Variants in RELN observed in about 807,000 individuals in gnomAD.
The protein encoded by RELN is reelin.
RELN carries 108 observed loss-of-function variants against 427.6 expected under a neutral mutation model. That is an observed-to-expected ratio of 0.25 (90% CI 0.22 to 0.30). The LOEUF is 0.30. RELN is among the 10% of genes least tolerant of loss of function. The probability of loss-of-function intolerance (pLI) is 1.00; values close to 1 mark genes in which losing one functional copy is unlikely to be tolerated. For missense variants in RELN, 3,715 were observed against 4,302.8 expected (o/e 0.86, Z 3.82); for synonymous variants, 1,524 against 1,513.4 (o/e 1.01, Z -0.16).
At chr7:103,748,710 A>G (rs1246234625) in intron 6 of RELN, among the ~76,000 whole-genome samples, 1 of 152,262 alleles carries the variant, frequency 6.6e-6, no homozygotes, top group Non-Finnish European at 1.5e-5. Context: ...CTTGAGTATT[A>G]CATTACTTGA....
intron 2 of RELN, among the ~76,000 whole-genome samples, chr7:103,907,182 C>A (rs1563082841): frequency 6.6e-6 from 1 of 150,968 alleles, no homozygotes; most frequent in Non-Finnish European, 1.5e-5. Context: ...CCTTGGGAGG[C>A]CGAGGCGGTT....
intron 49 of RELN, 102 bp downstream of exon 49, chr7:103,519,221 G>T: frequency 1.1e-6 from 1 of 869,800 alleles, no homozygotes; most frequent in Non-Finnish European, 2.0e-6. Flanking sequence ...GCATCCTCTA[G>T]TGAGGCATAA....
chr7:103,642,440 T>C (rs1832713841), intron 16 of RELN, among the ~76,000 whole-genome samples: 1 of 139,082 alleles, frequency 7.2e-6, no homozygotes, highest in Non-Finnish European at 1.5e-5. Context: ...AGCCAAAGAG[T>C]GGGTCCTGTT....
chr7:103,949,826 C>G (rs1270894382), intron 1 of RELN, among the ~76,000 whole-genome samples: 3 of 152,144 alleles, frequency 2.0e-5, no homozygotes, highest in Admixed American at 6.5e-5. Flanking sequence ...CTCACATACT[C>G]TATACTCAGC....
At chr7:103,970,482 CT>C (rs906130584) in intron 1 of RELN, among the ~76,000 whole-genome samples, 4 of 151,442 alleles carry the variant, frequency 2.6e-5, no homozygotes, top group African/African-American at 9.7e-5. Flanking sequence ...TTTTCTTTTT[CT>C]TTTTTTTTCT....
chr7:103,773,112 CTTTCTTTCTT>C (rs1460943789), intron 4 of RELN, among the ~76,000 whole-genome samples: 1 of 52,830 alleles, frequency 1.9e-5, no homozygotes, highest in African/African-American at 5.8e-5. Flanking sequence ...TTCTTTCTTT[CTTTCTTTCTT>C]TCTTTCTTTC....
intron 2 of RELN, among the ~76,000 whole-genome samples, chr7:103,845,702 C>T (rs1175892966): frequency 1.3e-5 from 2 of 152,134 alleles, no homozygotes; most frequent in African/African-American, 4.8e-5. Context: ...GTGCAAAAAT[C>T]ACAAGCATTC....
At chr7:103,886,796 T>C (rs145922618) in intron 2 of RELN, among the ~76,000 whole-genome samples, 26 of 152,308 alleles carry the variant, frequency 1.7e-4, no homozygotes, top group African/African-American at 5.5e-4. Context: ...ATACTCACAA[T>C]GTATTTGTCT....
intron 3 of RELN, among the ~76,000 whole-genome samples, chr7:103,799,617 C>T (rs1225774582): frequency 6.6e-6 from 1 of 152,206 alleles, no homozygotes; most frequent in Non-Finnish European, 1.5e-5. Context: ...TCTTAAACGT[C>T]TTCCTCAGAG....
At chr7:103,901,984 T>C (rs947463939) in intron 2 of RELN, among the ~76,000 whole-genome samples, 1 of 152,090 alleles carries the variant, frequency 6.6e-6, no homozygotes, top group Non-Finnish European at 1.5e-5. Context: ...CTATTTTCCA[T>C]GTGAGACTTA....
intron 37 of RELN, 24 bp from the exon 38 acceptor site, chr7:103,557,183 T>C: frequency 1.3e-6 from 2 of 1,563,980 alleles, no homozygotes; most frequent in South Asian, 1.1e-5. Flanking sequence ...AACACAGGTA[T>C]AAAACATACT....
At position 103,483,707 on chromosome 7, in the gene RELN, T is replaced by G; in HGVS notation, c.10127A>C (p.Gln3376Pro). ...NNGITWHVIA[Q>P]HQPKDFTQAQ... ...TTGTGTGAAGTCCTTTGGCTGGTGC[T>G]GGGCGATGACATGCCAGGTGATCCC... Residue 3376 changes from glutamine to proline, a missense_variant, in exon 62 of 65, where the codon CAG (glutamine) becomes CCG (proline). Gln to Pro is a moderately conservative substitution (Grantham distance 76). This residue lies in a region of RELN where 195 missense variants were observed against 281.3 expected (regional missense o/e 0.69). Coordinates refer to ENST00000428762, the MANE Select transcript of RELN (RefSeq NM_005045.4). 6.2e-7 allele frequency: 1 copy of G among 1,614,202 alleles called. No homozygotes were observed. Among genetic ancestry groups the G allele is most frequent in the Non-Finnish European group, 8.5e-7 (1 of 1,180,026 alleles).
At chr7:103,691,336 C>T (rs775355495) in intron 10 of RELN, among the ~76,000 whole-genome samples, 4 of 151,676 alleles carry the variant, frequency 2.6e-5, no homozygotes, top group Non-Finnish European at 4.4e-5. Context: ...GTCCCCCCCG[C>T]CAAAAAACAG....
In RELN at chr7:103,604,490, A is replaced by C. The variant is rs759889016; in HGVS notation, c.3009-7T>G. ...GAAACGGGTAGCACTGGACCTAGAA[A>C]CACGGTATAGTATAACAAAAACGGT... On this transcript the variant is annotated splice_polypyrimidine_tract_variant and splice_region_variant and intron_variant, in intron 22 of 64. Transcript: ENST00000428762. 1.2e-6 allele frequency: 2 copies of C among 1,613,678 alleles called. No individual in the cohort carries two copies. The highest frequency in any genetic ancestry group is 3.3e-5 in the Admixed American group (2 of 59,970).
chr7:103,476,682 A>C, intron 64 of RELN: 1 of 336,558 alleles, frequency 3.0e-6, no homozygotes, highest in South Asian at 2.7e-5. Flanking sequence ...CTCTAAGACC[A>C]CTTAATAAAT....
Position 103,989,382 on chromosome 7 carries a change from C to CCGCCGA in RELN, c.-27_-26insTCGGCG. The CCGCCGA allele has an allele frequency of 7.0e-7, 1 of 1,430,340 alleles. No homozygotes were observed. Among genetic ancestry groups the CCGCCGA allele is most frequent in the South Asian group, 1.6e-5 (1 of 61,178 alleles). The allele number at this position is 1,430,340 out of a possible 1,614,324, so 88.6% of individuals were successfully genotyped here. The stretch of plus-strand genomic sequence containing the variant: ...GCCGCCGCCGCCGCCGCCGCCGCCG[C>CCGCCGA]GCGCCCTACGCGCCGCTCGCTCATT... On this transcript the variant is annotated 5_prime_UTR_variant, in exon 1 of 65. Coordinates refer to ENST00000428762, the MANE Select transcript of RELN (RefSeq NM_005045.4). This position sits in a 1 kb window ranked among gnomAD's most constrained non-coding sequence, Gnocchi z 4.9.
At chr7:103,732,672 A>T (rs901871401) in intron 6 of RELN, among the ~76,000 whole-genome samples, 1 of 152,126 alleles carries the variant, frequency 6.6e-6, no homozygotes, top group Non-Finnish European at 1.5e-5. Flanking sequence ...AATTCCAAGG[A>T]AAGTAATTCC....
chr7:103,536,525 T>G (rs917969074), intron 45 of RELN, among the ~76,000 whole-genome samples: 2 of 152,210 alleles, frequency 1.3e-5, no homozygotes, highest in Non-Finnish European at 2.9e-5. Context: ...GCTTTAAAGC[T>G]TCCCAGGTGA....
chr7:103,724,784 G>T, intron 7 of RELN, among the ~76,000 whole-genome samples: 1 of 149,872 alleles, frequency 6.7e-6, no homozygotes, highest in Non-Finnish European at 1.5e-5. Context: ...TAAAATATCA[G>T]CTACAAGAAA....
Sources: gnomAD v4.1 joint callset for allele counts (sites outside exome capture counted in the v4.1 genomes callset) on GRCh38, gnomAD v4.1.1 for gene constraint, gnomAD v4.1.1 regional missense constraint, Gnocchi (gnomAD v3.1) non-coding constraint, MANE v1.5 for transcripts, NCBI Gene and HGNC (gene_info 2026-07-23, HGNC 2026-07-21) for gene names.